The following ROBO2 variants were observed in gnomAD, a reference collection of about 807,000 sequenced individuals.
The protein encoded by ROBO2 is roundabout guidance receptor 2, also known as roundabout homolog 2.
Under a neutral mutation model 160.8 loss-of-function variants are expected in ROBO2, and 53 were observed. The observed-to-expected ratio is 0.33, with a 90% CI of 0.26 to 0.41. The LOEUF (loss-of-function observed/expected upper bound fraction) is 0.41. ROBO2 is among the 10% of genes least tolerant of loss of function. The pLI, the probability that ROBO2 is intolerant of heterozygous loss-of-function variation, is 1.00. For missense variants in ROBO2, 1,577 were observed against 1,722.4 expected, an observed-to-expected ratio of 0.92 and a Z score of 1.49; for synonymous variants, 664 against 611.7, an observed-to-expected ratio of 1.09 and a Z score of -1.26.
chr3:76,446,198 G>C (rs543970687), intron 2 of ROBO2, among the ~76,000 whole-genome samples: 2 of 152,106 alleles, frequency 1.3e-5, no homozygotes, highest in Non-Finnish European at 2.9e-5. Flanking sequence ...AAAGTCTCAG[G>C]ATACAAAATC....
chr3:76,562,597 C>T (rs2084262489), intron 2 of ROBO2, among the ~76,000 whole-genome samples: 1 of 152,082 alleles, frequency 6.6e-6, no homozygotes, highest in African/African-American at 2.4e-5. Context: ...TACAAAACAA[C>T]CAATGGAGAA....
intron 2 of ROBO2, among the ~76,000 whole-genome samples, chr3:76,827,760 G>A (rs1332016229): frequency 6.6e-6 from 1 of 151,550 alleles, no homozygotes; most frequent in Non-Finnish European, 1.5e-5. Context: ...CCTGTTTGAC[G>A]CACCCACAAA....
chr3:76,097,848 G>A (rs1052234057), intron 2 of ROBO2, among the ~76,000 whole-genome samples: 1 of 151,936 alleles, frequency 6.6e-6, no homozygotes, highest in Non-Finnish European at 1.5e-5. Context: ...ATGAATAAGA[G>A]GTCAAGTTGG....
intron 7 of ROBO2, 50 bp from the exon 9 acceptor site, chr3:77,550,768 T>A (rs759907723): frequency 1.9e-6 from 3 of 1,588,998 alleles, no homozygotes; most frequent in Non-Finnish European, 2.6e-6. Context: ...ATTCACATAA[T>A]TTTTTTAAGT....
intron 2 of ROBO2, among the ~76,000 whole-genome samples, chr3:77,254,207 G>T (rs1462277638): frequency 6.6e-6 from 1 of 152,178 alleles, no homozygotes; most frequent in Non-Finnish European, 1.5e-5. Context: ...GTTAGAGGCT[G>T]CAGTGAACTG....
chr3:76,831,605 C>A (rs561093369), intron 2 of ROBO2, among the ~76,000 whole-genome samples: 2 of 152,078 alleles, frequency 1.3e-5, no homozygotes, highest in Non-Finnish European at 1.5e-5. Flanking sequence ...AGGAGACCAG[C>A]GCAGCCATTT....
intron 2 of ROBO2, among the ~76,000 whole-genome samples, chr3:77,106,549 C>A (rs574897809): frequency 2.6e-5 from 4 of 152,236 alleles, no homozygotes; most frequent in Admixed American, 6.5e-5. Context: ...AGGAAGGTTA[C>A]ACTTCTTTTA....
At position 77,527,406 on chromosome 3, in the gene ROBO2, G is replaced by T. The variant is rs527854954; in HGVS notation, c.934+4504G>T. ...CACACCATTGTAATGTCTACAGCTC[G>T]CCCTGTTGGTAAGTAGCCATCCTTC... is the stretch of plus-strand genomic sequence containing the variant. On this transcript the variant is annotated intron_variant, in intron 6 of 25. Transcript: ENST00000461745. 4.7e-6 allele frequency: 6 copies of T among 1,287,442 alleles called. No individual in the cohort carries two copies. The South Asian group carries it at 6.2e-5, about 13-fold the overall frequency. The allele number at this position is 1,287,442 out of a possible 1,614,324, so 79.8% of individuals were successfully genotyped here. A position where few individuals can be genotyped will look rare whatever the true frequency, so the allele number is the denominator to read the frequency against.
chr3:75,917,151 A>G (rs1467117911), intron 1 of ROBO2, among the ~76,000 whole-genome samples: 8 of 151,718 alleles, frequency 5.3e-5, no homozygotes, highest in Non-Finnish European at 1.2e-4. Flanking sequence ...TAAGCTCCAC[A>G]CGCATTAGCT....
chr3:76,945,890 A>G (rs2078506995), intron 2 of ROBO2, among the ~76,000 whole-genome samples: 1 of 152,024 alleles, frequency 6.6e-6, no homozygotes, highest in Non-Finnish European at 1.5e-5. Context: ...TCCTAAGTCT[A>G]TTATCCGTAT....
At chr3:76,233,109 C>T (rs1204621229) in intron 2 of ROBO2, among the ~76,000 whole-genome samples, 11 of 151,530 alleles carry the variant, frequency 7.3e-5, no homozygotes, top group African/African-American at 2.4e-4. Flanking sequence ...TTTTCTACAT[C>T]AATTCAAAGT....
intron 2 of ROBO2, among the ~76,000 whole-genome samples, chr3:76,296,907 T>A (rs912581372): frequency 2.0e-5 from 3 of 152,208 alleles, no homozygotes; most frequent in African/African-American, 7.2e-5. Flanking sequence ...TAAAGTTACA[T>A]TAATAGCTCA....
intron 2 of ROBO2, among the ~76,000 whole-genome samples, chr3:76,581,151 A>G (rs1478923345): frequency 6.6e-6 from 1 of 152,188 alleles, no homozygotes; most frequent in Non-Finnish European, 1.5e-5. Context: ...ATATAAATGT[A>G]TAAGGTAGCA....
exon 1 of ROBO2, chr3:77,040,766 A>T: frequency 6.2e-7 from 1 of 1,613,924 alleles, no homozygotes; most frequent in African/African-American, 1.3e-5. Flanking sequence ...AAGAATCTGG[A>T]TCCTTTTTAA....
intron 2 of ROBO2, among the ~76,000 whole-genome samples, chr3:76,623,657 T>A (rs1409777045): frequency 6.6e-6 from 1 of 152,178 alleles, no homozygotes; most frequent in Admixed American, 6.5e-5. Context: ...ATTTTGTCTA[T>A]ACTTCCAGAA....
intron 3 of ROBO2, among the ~76,000 whole-genome samples, chr3:77,480,760 C>T (rs1026832944): frequency 6.6e-6 from 1 of 152,020 alleles, no homozygotes; most frequent in Non-Finnish European, 1.5e-5. Flanking sequence ...TCTAGTATTT[C>T]TTTCTGATGA....
chr3:76,096,273 CTT>C (rs1272580666), intron 2 of ROBO2, among the ~76,000 whole-genome samples: 14 of 152,022 alleles, frequency 9.2e-5, no homozygotes, highest in Non-Finnish European at 1.9e-4. Context: ...TCATAAATAA[CTT>C]TGAGATAATA....
intron 2 of ROBO2, among the ~76,000 whole-genome samples, chr3:77,264,920 T>C (rs1318429890): frequency 3.3e-5 from 5 of 152,184 alleles, no homozygotes; most frequent in African/African-American, 7.2e-5. Context: ...TTCCTTTAGG[T>C]GTATCACTAT....
At chr3:77,289,067 T>A (rs1294991815) in intron 2 of ROBO2, among the ~76,000 whole-genome samples, 1 of 152,166 alleles carries the variant, frequency 6.6e-6, no homozygotes, top group Non-Finnish European at 1.5e-5. Flanking sequence ...TGGAATACTA[T>A]GATTAACAAA....
Sources: gnomAD v4.1 joint callset for allele counts (sites outside exome capture counted in the v4.1 genomes callset) on GRCh38, gnomAD v4.1.1 for gene constraint, MANE v1.5 for transcripts, NCBI Gene and HGNC (gene_info 2026-07-23, HGNC 2026-07-21) for gene names.